The following ZNF534 variants were observed in gnomAD, a reference collection of about 807,000 sequenced individuals.
ZNF534 encodes KRAB domain only 3.
ZNF534 carries 19 observed loss-of-function variants against 13.6 expected under a neutral mutation model. That is an observed-to-expected ratio of 1.40 (90% CI 0.97 to 2.05). ZNF534 has a LOEUF of 2.05. ZNF534 is among the 30% of genes most tolerant of loss of function. The pLI is 0.00. For synonymous variants in ZNF534, 244 were observed against 273.8 expected, an observed-to-expected ratio of 0.89 and a Z score of 1.07; for missense variants, 782 against 796.3, an observed-to-expected ratio of 0.98 and a Z score of 0.22.
Position 52,438,516 on chromosome 19 carries a change from A to C in ZNF534, c.1056A>C (p.Arg352Ser). Reference sequence around the variant, plus strand: ...ATCAGACAGTTCATACTGGAGAGAGACCATACAAATGTAATGAATGTGGCA... The same window carrying C: ...ATCAGACAGTTCATACTGGAGAGAGCCCATACAAATGTAATGAATGTGGCA... ...TTHQTVHTGE[R>S]PYKCNECGKG... The change falls in exon 5 of 5, where the codon AGA becomes AGC. Residue 352 changes from arginine (R) to serine (S), a missense_variant. Arg to Ser is a moderately radical substitution (Grantham distance 110). Transcript: ENST00000433050. 1 of 1,585,714 alleles carries C rather than the reference A, an allele frequency of 6.3e-7. No individual in the cohort carries two copies. Among genetic ancestry groups the C allele is most frequent in the Non-Finnish European group, 8.6e-7 (1 of 1,165,472 alleles).
chr19:52,433,059 G>A (rs1020245737), intron 2 of ZNF534, among the ~76,000 whole-genome samples: 2 of 151,828 alleles, frequency 1.3e-5, no homozygotes, highest in Non-Finnish European at 2.9e-5. Context: ...CTTGGACAAT[G>A]TGGTGAGACT....
At chr19:52,445,269 T>A (rs1030700934), downstream of ZNF534, among the ~76,000 whole-genome samples, 7 of 152,048 alleles carry the variant, frequency 4.6e-5, no homozygotes, top group African/African-American at 1.7e-4. Context: ...CAGTCTCCGA[T>A]CACTGCAACC....
chr19:52,431,277 T>G (rs2059085333), intron 1 of ZNF534, 131 bp from the exon 2 acceptor site: 1 of 678,046 alleles, frequency 1.5e-6, no homozygotes, highest in African/African-American at 1.8e-5. Flanking sequence ...TTGATTTTCC[T>G]GTGGGAGATC....
At chr19:52,443,947 T>C (rs1275373285), downstream of ZNF534, among the ~76,000 whole-genome samples, 1 of 152,110 alleles carries the variant, frequency 6.6e-6, no homozygotes, top group Non-Finnish European at 1.5e-5. Flanking sequence ...ATTTTATTTC[T>C]CTAGTGCCTC....
intron 3 of ZNF534, 94 bp downstream of exon 3, chr19:52,434,175 G>C: frequency 6.6e-7 from 1 of 1,523,852 alleles, no homozygotes; most frequent in Non-Finnish European, 8.8e-7. Flanking sequence ...TGCATTGCTT[G>C]ACTGAGATTG....
At position 52,439,384 on chromosome 19, in the gene ZNF534, G is replaced by C; in HGVS notation, c.1924G>C (p.Val642Leu). 6.4e-7 allele frequency: 1 copy of C among 1,551,058 alleles called. No homozygotes were observed. Among genetic ancestry groups the C allele is most frequent in the Admixed American group, 2.0e-5 (1 of 50,882 alleles). The change falls in exon 5 of 5, where the codon GTC (valine) becomes CTC (leucine). Residue 642 changes from valine (V) to leucine (L), a missense_variant. Physicochemically the swap from Val to Leu is conservative, Grantham distance 32. Coordinates refer to ENST00000433050, the MANE Select transcript of ZNF534 (RefSeq NM_001143938.3). The stretch of plus-strand genomic sequence containing the variant: ...TTACAGTTGTAATGAATGTGGCAAG[G>C]TCTTTAGTAAAAATTCCATCCTAGT... ...KPYSCNECGK[V>L]FSKNSILVQH... is the part of the protein sequence containing the mutation.
downstream of ZNF534, among the ~76,000 whole-genome samples, chr19:52,443,002 C>A (rs1247106592): frequency 6.6e-6 from 1 of 152,046 alleles, no homozygotes; most frequent in Non-Finnish European, 1.5e-5. Flanking sequence ...AAAGGCATGG[C>A]ATTTTTATGG....
rs1158324258 is a variant in ZNF534, at chr19:52,439,770, A to G, written c.*324A>G. ...AAACTCCATCTCAAAAAAAGAAAAA[A>G]AAAAAATGAGTGAAGCTGCCAAGCA... On this transcript the variant is annotated 3_prime_UTR_variant, in exon 5 of 5. Transcript: ENST00000433050. Among the ~76,000 whole-genome samples, 1 of 151,812 alleles carries G rather than the reference A, an allele frequency of 6.6e-6. No homozygotes were observed. Among genetic ancestry groups the G allele is most frequent in the Admixed American group, 6.6e-5 (1 of 15,216 alleles).
At position 52,435,177 on chromosome 19, in the gene ZNF534, A is replaced by G. The variant is rs760785775; in HGVS notation, c.239A>G (p.Asp80Gly). ...QSEVKIINNPDGRECIKGVNT... is the reference protein window; with the variant it reads ...QSEVKIINNPGGRECIKGVNT... ...GAAGTGAAAATAATAAACAATCCAG[A>G]TGGCAGGGAGTGCATCAAAGGTGTG... Residue 80 changes from aspartate (D) to glycine (G), a missense_variant, in exon 4 of 5, where the codon GAT becomes GGT. This residue lies in a region of ZNF534 where 30 missense variants were observed against 55.4 expected (regional missense o/e 0.54). Coordinates refer to ENST00000433050, the MANE Select transcript of ZNF534 (RefSeq NM_001143938.3). 3.8e-5 allele frequency: 62 copies of G among 1,612,598 alleles called. No homozygotes were observed. Among genetic ancestry groups the G allele is most frequent in the African/African-American group, 5.3e-5 (4 of 74,856 alleles).
In ZNF534 at chr19:52,433,374, G is replaced by T. The variant is rs527904497; in HGVS notation, c.16-581G>T. Among the ~76,000 whole-genome samples the T allele has an allele frequency of 3.1e-3, 210 of 67,304 alleles. 1 individual carries two copies. The highest frequency in any genetic ancestry group is 2.5e-3 in the East Asian group (8 of 3,252). 44.2% of individuals were successfully genotyped at this position (67,304 alleles called of 152,430 possible). ...AAACCTAACATTTCTTTCTCTTTTTGGGGGGGGGAGGGGACGGAGTCTCAC... is the reference window on the plus strand; with the variant it reads ...AAACCTAACATTTCTTTCTCTTTTTTGGGGGGGGAGGGGACGGAGTCTCAC... On this transcript the variant is annotated intron_variant, in intron 2 of 4. Coordinates refer to ENST00000433050, the MANE Select transcript of ZNF534 (RefSeq NM_001143938.3).
intron 2 of ZNF534, 25 bp downstream of exon 2, chr19:52,431,514 G>T (rs1568440607): frequency 6.2e-7 from 1 of 1,613,920 alleles, no homozygotes; most frequent in Admixed American, 1.7e-5. Context: ...TCAGTGGATT[G>T]TTCTGTCTCT....
At chr19:52,433,917 C>T (rs748007397) in intron 2 of ZNF534, 38 bp from the exon 3 acceptor site, 17 of 1,612,202 alleles carry the variant, frequency 1.1e-5, no homozygotes, top group East Asian at 6.7e-5. Context: ...TAAGTACTCT[C>T]TCCATACCCT....
Position 52,451,236 on chromosome 19 carries a change from G to A in ZNF534, c.321G>A (p.Trp107Ter). Residue 107 changes from tryptophan (W) to a stop codon, truncating the protein, a stop_gained, in exon 5 of 5, where the codon TGG becomes TGA. Coordinates refer to the ZNF534 transcript ENST00000301085. LOFTEE classifies it low-confidence loss of function (END_TRUNC). ...CGCGCGTCTTCAGGGTGGAAGCCTG[G>A]CGCGCGTCCGGAGGTGCTGAGGAGC... 1.4e-6 allele frequency: 1 copy of A among 730,918 alleles called. No homozygotes were observed. The highest frequency in any genetic ancestry group is 2.5e-6 in the Non-Finnish European group (1 of 400,422). The allele number at this position is 730,918 out of a possible 1,614,324, so 45.3% of individuals were successfully genotyped here.
chr19:52,432,118 C>G (rs1599858686), intron 2 of ZNF534, among the ~76,000 whole-genome samples: 1 of 151,708 alleles, frequency 6.6e-6, no homozygotes, highest in Non-Finnish European at 1.5e-5. Flanking sequence ...TCAAATTTTT[C>G]TACATTATCA....
downstream of ZNF534, among the ~76,000 whole-genome samples, chr19:52,442,553 T>A (rs2561007): frequency 1.3e-5 from 2 of 152,182 alleles, no homozygotes; most frequent in Admixed American, 6.5e-5. Flanking sequence ...CACTCCACAC[T>A]ATATTTCTGT....
chr19:52,432,926 G>A (rs112631522), intron 2 of ZNF534, among the ~76,000 whole-genome samples: 19,528 of 151,966 alleles, frequency 0.13, 1,456 homozygotes, highest in African/African-American at 0.21. Flanking sequence ...CACTGCGCCC[G>A]GCCCAGATTT....
At chr19:52,451,512 C>T (rs1599875576) in exon 5 of ZNF534, 1 of 595,030 alleles carries the variant, frequency 1.7e-6, no homozygotes, top group South Asian at 2.1e-5. Flanking sequence ...CCCGCCGTTT[C>T]ACCCAGCCAG....
At chr19:52,450,378 T>G (rs890602463) in intron 4 of ZNF534, among the ~76,000 whole-genome samples, 1 of 152,138 alleles carries the variant, frequency 6.6e-6, no homozygotes, top group Non-Finnish European at 1.5e-5. Context: ...GTTTTATTTT[T>G]CTGCATATGG....
chr19:52,429,721 G>A (rs141757111), intron 1 of ZNF534, among the ~76,000 whole-genome samples: 3 of 151,640 alleles, frequency 2.0e-5, no homozygotes, highest in Non-Finnish European at 4.4e-5. Flanking sequence ...TGGGCCTCCC[G>A]AGTAGCTGGG....
Sources: gnomAD v4.1 joint callset for allele counts (sites outside exome capture counted in the v4.1 genomes callset) on GRCh38, gnomAD v4.1.1 for gene constraint, gnomAD v4.1.1 regional missense constraint, MANE v1.5 for transcripts, NCBI Gene and HGNC (gene_info 2026-07-23, HGNC 2026-07-21) for gene names.